The following UBE2R2 variants were observed in gnomAD, a reference collection of about 807,000 sequenced individuals.
UBE2R2 encodes ubiquitin-conjugating enzyme E2 R2.
A neutral mutation model predicts 27.8 loss-of-function variants in UBE2R2; 1 was observed. That is an observed-to-expected ratio of 0.04 (90% confidence interval 0.01 to 0.17). The LOEUF is 0.17. UBE2R2 is among the 10% of genes least tolerant of loss of function. UBE2R2 has a pLI of 1.00. For missense variants in UBE2R2, 100 were observed against 291.0 expected, an observed-to-expected ratio of 0.34 and a Z score of 4.78; for synonymous variants, 106 against 113.3, an observed-to-expected ratio of 0.94 and a Z score of 0.41.
rs1318599327 is a variant in UBE2R2, at chr9:33,897,769, TTTTTTC to T, written c.265-2399_265-2394del. Among the ~76,000 whole-genome samples, 32 of 139,552 alleles carry T rather than the reference TTTTTTC, an allele frequency of 2.3e-4. 1 individual carries two copies. In the South Asian group the frequency reaches 6.9e-3, roughly 30 times the overall value. The allele number at this position is 139,552 out of a possible 152,430, so 91.6% of individuals were successfully genotyped here. On this transcript the variant is annotated intron_variant, in intron 2 of 4. Coordinates refer to ENST00000263228, the MANE Select transcript of UBE2R2 (RefSeq NM_017811.4). ...CCAAATATACCAAGTTTCTCTTTTC[TTTTTTC>T]TTTTTTTTTTTTTTTTTGAGATGGA...
chr9:33,892,612 C>T (rs1249039800), intron 2 of UBE2R2, among the ~76,000 whole-genome samples: 1 of 152,082 alleles, frequency 6.6e-6, no homozygotes, highest in East Asian at 1.9e-4. Flanking sequence ...TAAATTTGTA[C>T]TTTTCAGAGC....
chr9:33,821,587 G>C (rs1445477579), intron 1 of UBE2R2, among the ~76,000 whole-genome samples: 1 of 151,992 alleles, frequency 6.6e-6, no homozygotes, highest in Non-Finnish European at 1.5e-5. Context: ...GCCAGAAAGA[G>C]TGCCTCTTTT....
At chr9:33,837,281 C>T (rs923733697) in intron 1 of UBE2R2, among the ~76,000 whole-genome samples, 6 of 151,794 alleles carry the variant, frequency 4.0e-5, no homozygotes, top group African/African-American at 1.5e-4. Context: ...TGCAGGGGTG[C>T]GATCAAGGCT....
intron 1 of UBE2R2, among the ~76,000 whole-genome samples, chr9:33,854,787 C>G (rs1821062060): frequency 6.6e-6 from 1 of 151,038 alleles, no homozygotes; most frequent in Admixed American, 6.6e-5. Flanking sequence ...GGCATGATCA[C>G]AGCCCACTGC....
chr9:33,912,429 G>A (rs1257889300), intron 4 of UBE2R2, among the ~76,000 whole-genome samples: 4 of 151,870 alleles, frequency 2.6e-5, no homozygotes, highest in Admixed American at 6.6e-5. Context: ...GTTCGAGACC[G>A]GCTGGCCAAC....
chr9:33,895,398 A>G (rs1043122155), intron 2 of UBE2R2, among the ~76,000 whole-genome samples: 1 of 152,338 alleles, frequency 6.6e-6, no homozygotes, highest in Non-Finnish European at 1.5e-5. Flanking sequence ...ATTGTAAATT[A>G]TATTCCATTG....
At position 33,863,359 on chromosome 9, in the gene UBE2R2, A is replaced by G. The variant is rs535771092; in HGVS notation, c.178-23522A>G. ...AAACCCCATCTCTACTAAAAATACA[A>G]AAATAAGCAGGGCGTGGTGGTGCGT... On this transcript the variant is annotated intron_variant, in intron 1 of 4. Transcript: ENST00000263228. Among the ~76,000 whole-genome samples the G allele has an allele frequency of 1.1e-3, 167 of 151,408 alleles. 1 individual carries two copies. The highest frequency in any genetic ancestry group is 3.9e-3 in the African/African-American group (160 of 41,254).
intron 2 of UBE2R2, among the ~76,000 whole-genome samples, chr9:33,899,895 A>G (rs892461368): frequency 1.2e-4 from 19 of 152,152 alleles, no homozygotes; most frequent in Admixed American, 1.2e-3. Context: ...TTATATTTTA[A>G]TGTTCCTAAG....
Position 33,883,973 on chromosome 9 carries a change from G to T in UBE2R2, c.178-2908G>T, listed in dbSNP as rs1394329392. On this transcript the variant is annotated intron_variant, in intron 1 of 4. Coordinates refer to ENST00000263228, the MANE Select transcript of UBE2R2 (RefSeq NM_017811.4). ...AGCCCAGGAGTTCGAGACCCAGCCT[G>T]GGCAATATGATGAAACCTCCAGCCC... Among the ~76,000 whole-genome samples, 6 of 152,058 alleles carry T rather than the reference G, an allele frequency of 3.9e-5. No individual in the cohort carries two copies. In the East Asian group the frequency reaches 1.2e-3, roughly 29 times the overall value.
At chr9:33,910,845 G>A (rs1822467383) in intron 3 of UBE2R2, among the ~76,000 whole-genome samples, 1 of 152,172 alleles carries the variant, frequency 6.6e-6, no homozygotes, top group Admixed American at 6.5e-5. Flanking sequence ...GCTCATGCCT[G>A]TAATCCCAGC....
At position 33,817,551 on chromosome 9, in the gene UBE2R2, C is replaced by A; in HGVS notation, c.-207C>A. Reference sequence around the variant, plus strand: ...CCCGGCCCGAGTGTGAGGAGAAGGGCCCGGCCCGGCCTGCGTCGTGTGTGA... The same window carrying A: ...CCCGGCCCGAGTGTGAGGAGAAGGGACCGGCCCGGCCTGCGTCGTGTGTGA... On this transcript the variant is annotated 5_prime_UTR_variant, in exon 1 of 5. Coordinates refer to ENST00000263228, the MANE Select transcript of UBE2R2 (RefSeq NM_017811.4). The A allele has an allele frequency of 2.8e-6, 1 of 354,680 alleles. No homozygotes were observed. Among genetic ancestry groups the A allele is most frequent in the Non-Finnish European group, 4.2e-6 (1 of 239,034 alleles). 22.0% of individuals were successfully genotyped at this position (354,680 alleles called of 1,614,324 possible). A position where few individuals can be genotyped will look rare whatever the true frequency, so the allele number is the denominator to read the frequency against.
chr9:33,830,214 G>A (rs1448959803), intron 1 of UBE2R2, among the ~76,000 whole-genome samples: 2 of 146,018 alleles, frequency 1.4e-5, no homozygotes, highest in East Asian at 4.1e-4. Context: ...CTGGAGTGCA[G>A]TTGCGTGACC....
chr9:33,866,880 A>G (rs189375999), intron 1 of UBE2R2, among the ~76,000 whole-genome samples: 237 of 152,256 alleles, frequency 1.6e-3, no homozygotes, highest in African/African-American at 5.5e-3. Context: ...ACATACATGT[A>G]TTGTGAATAA....
intron 4 of UBE2R2, among the ~76,000 whole-genome samples, chr9:33,914,721 G>A (rs749705239): frequency 4.6e-5 from 7 of 151,998 alleles, no homozygotes; most frequent in Non-Finnish European, 7.4e-5. Flanking sequence ...CCAGCTACTC[G>A]GGAGGCTGAA....
chr9:33,858,207 A>G (rs940365067), intron 1 of UBE2R2, among the ~76,000 whole-genome samples: 2 of 152,186 alleles, frequency 1.3e-5, no homozygotes, highest in African/African-American at 4.8e-5. Flanking sequence ...CTTCTCAGGA[A>G]GAGTAAGTTA....
upstream of UBE2R2, among the ~76,000 whole-genome samples, chr9:33,815,890 G>T (rs549193397): frequency 6.0e-4 from 92 of 152,140 alleles, 1 homozygote; most frequent in Non-Finnish European, 1.1e-3. Flanking sequence ...GCTTGTGTTG[G>T]GTATAATTAA....
At chr9:33,843,891 G>T (rs1470896290) in intron 1 of UBE2R2, among the ~76,000 whole-genome samples, 1 of 152,136 alleles carries the variant, frequency 6.6e-6, no homozygotes, top group Non-Finnish European at 1.5e-5. Flanking sequence ...CACTGCATAA[G>T]TTTTGTACAT....
rs1326407848 is a variant in UBE2R2 at position 33,817,178 on chromosome 9, T to C, written c.-580T>C. 2.3e-5 allele frequency among the ~76,000 whole-genome samples: 3 copies of C among 131,920 alleles called. No individual in the cohort carries two copies. Among genetic ancestry groups the C allele is most frequent in the Non-Finnish European group, 3.2e-5 (2 of 63,022 alleles). 86.5% of individuals were successfully genotyped at this position (131,920 alleles called of 152,430 possible). On this transcript the variant is annotated 5_prime_UTR_variant, in exon 1 of 5. Transcript: ENST00000263228. The stretch of plus-strand genomic sequence containing the variant: ...CCTCCCTGCTTCTCGGCTCCGTTGC[T>C]CCCGCGGCGCGAGGCGCTCTCGCTC...
At chr9:33,877,823 GTCTCTCTCTC>G (rs1554675184) in intron 1 of UBE2R2, among the ~76,000 whole-genome samples, 237 of 131,128 alleles carry the variant, frequency 1.8e-3, no homozygotes, top group Middle Eastern at 7.4e-3. Flanking sequence ...CTGTCTGTCT[GTCTCTCTCTC>G]TCTCTCTCTC....
Sources: gnomAD v4.1 joint callset for allele counts (sites outside exome capture counted in the v4.1 genomes callset) on GRCh38, gnomAD v4.1.1 for gene constraint, MANE v1.5 for transcripts, NCBI Gene and HGNC (gene_info 2026-07-23, HGNC 2026-07-21) for gene names.